TRIM62: variants seen among roughly 807,000 people sequenced by gnomAD.
TRIM62 encodes the protein tripartite motif containing 62, also known as E3 ubiquitin-protein ligase TRIM62.
In TRIM62, 39 loss-of-function variants were observed where a neutral mutation model predicts 44.2. The ratio of observed to expected loss-of-function variants is 0.88; its 90% CI spans 0.68 to 1.15. TRIM62 has a LOEUF of 1.15. Ranked by LOEUF, TRIM62 falls within the 50% of genes most tolerant of loss-of-function variation. The pLI is 0.00. For synonymous variants in TRIM62, 278 were observed against 292.3 expected (o/e 0.95, Z 0.50); for missense variants, 544 against 665.5 (o/e 0.82, Z 2.01).
chr1:33,149,841 A>C (rs1645072487), intron 4 of TRIM62, among the ~76,000 whole-genome samples: 2 of 152,098 alleles, frequency 1.3e-5, no homozygotes, highest in Non-Finnish European at 2.9e-5. Flanking sequence ...CCCCATTTGC[A>C]CCAAGAGGGC....
At chr1:33,166,573 T>G (rs2124740904) in intron 1 of TRIM62, among the ~76,000 whole-genome samples, 1 of 152,234 alleles carries the variant, frequency 6.6e-6, no homozygotes, top group Admixed American at 6.5e-5. Flanking sequence ...CTCCATCTTC[T>G]GATGGAGAAA....
At position 33,147,608 on chromosome 1, in the gene TRIM62, G is replaced by A. The variant is rs1423349464; in HGVS notation, c.997C>T (p.Arg333Cys). 33 of 1,614,020 alleles carry A rather than the reference G, an allele frequency of 2.0e-5. No homozygotes were observed. The highest frequency in any genetic ancestry group is 2.7e-5 in the African/African-American group (2 of 74,940). Residue 333 changes from arginine (R) to cysteine (C), a missense_variant, in exon 5 of 5, where the codon CGC becomes TGC. Arg to Cys is a radical substitution (Grantham distance 180). Transcript: ENST00000291416. The surrounding 1 kb of genome is among the most constrained non-coding windows in gnomAD (Gnocchi z 8.1). ...HPQPLQDSPK[R>C]FDVEVSVLGS... ...AGCACCGACACCTCCACATCGAAGC[G>A]CTTTGGCGAGTCCTGCAGTGGCTGT...
Position 33,181,541 on chromosome 1 carries a change from C to T in TRIM62, c.-109G>A. ...GCTGGGCGCGGGGACGAGGCCCGCA[C>T]AGGCAGGGGTAGGAGCTACCGGAGA... On this transcript the variant is annotated 5_prime_UTR_variant, in exon 1 of 5. The change creates a new upstream start codon in the 5' untranslated region. Coordinates refer to ENST00000291416, the MANE Select transcript of TRIM62 (RefSeq NM_018207.3). This position sits in a 1 kb window ranked among gnomAD's most constrained non-coding sequence, Gnocchi z 6.5. The T allele has an allele frequency of 1.4e-6, 2 of 1,441,670 alleles. No individual in the cohort carries two copies. The highest frequency in any genetic ancestry group is 1.5e-5 in the South Asian group (1 of 68,912). The allele number at this position is 1,441,670 out of a possible 1,614,324, so 89.3% of individuals were successfully genotyped here.
chr1:33,174,964 TATATAC>T (rs1180479141), intron 1 of TRIM62, among the ~76,000 whole-genome samples: 2,748 of 108,654 alleles, frequency 0.025, 86 homozygotes, highest in African/African-American at 0.09. Context: ...TATATATATA[TATATAC>T]ACACATATAC....
In TRIM62 at chr1:33,181,616, G is replaced by T; in HGVS notation, c.-184C>A. 1 of 1,157,476 alleles carries T rather than the reference G, an allele frequency of 8.6e-7. No individual in the cohort carries two copies. 71.7% of individuals were successfully genotyped at this position (1,157,476 alleles called of 1,614,324 possible). A position where few individuals can be genotyped will look rare whatever the true frequency, so the allele number is the denominator to read the frequency against. ...AGGGTAACGCGAGGAAGGGGTGCGCGGCTGAGACTCCGTGGGACGCCAGCC... is the reference window on the plus strand; with the variant it reads ...AGGGTAACGCGAGGAAGGGGTGCGCTGCTGAGACTCCGTGGGACGCCAGCC... On this transcript the variant is annotated 5_prime_UTR_variant, in exon 1 of 5. Transcript: ENST00000291416. This position sits in a 1 kb window ranked among gnomAD's most constrained non-coding sequence, Gnocchi z 6.5.
chr1:33,149,004 T>A (rs987168556), intron 4 of TRIM62, among the ~76,000 whole-genome samples: 1 of 152,196 alleles, frequency 6.6e-6, no homozygotes, highest in Admixed American at 6.5e-5. Flanking sequence ...CCAAAGCCTC[T>A]GCTTACACGG....
intron 3 of TRIM62, 148 bp from the exon 4 acceptor site, chr1:33,158,516 G>T: frequency 1.6e-6 from 1 of 633,034 alleles, no homozygotes; most frequent in Non-Finnish European, 2.9e-6. Flanking sequence ...GCCTGCTTGT[G>T]CTGCTTCTGG....
intron 1 of TRIM62, among the ~76,000 whole-genome samples, chr1:33,178,978 A>T (rs1236265492): frequency 6.6e-6 from 1 of 152,216 alleles, no homozygotes; most frequent in Non-Finnish European, 1.5e-5. Flanking sequence ...AGGAGGGGAG[A>T]GATCAGAGAA....
At chr1:33,170,036 C>G (rs1645360753) in intron 1 of TRIM62, among the ~76,000 whole-genome samples, 1 of 152,166 alleles carries the variant, frequency 6.6e-6, no homozygotes, top group South Asian at 2.1e-4. Context: ...TCAATCTCCC[C>G]TACTAGGCCG....
At position 33,181,173 on chromosome 1, in the gene TRIM62, C is replaced by T. The variant is rs1645460206; in HGVS notation, c.260G>A (p.Arg87His). Reference protein sequence around the residue: ...SFPLDAILNARRAARPCQAHD... With the variant: ...SFPLDAILNAHRAARPCQAHD... The stretch of plus-strand genomic sequence containing the variant: ...CGCCTGGCAGGGTCGCGCGGCGCGG[C>T]GCGCGTTGAGGATGGCGTCCAGCGG... The change falls in exon 1 of 5, where the codon CGC becomes CAC. Residue 87 changes from arginine to histidine, a missense_variant. Physicochemically the swap from Arg to His is conservative, Grantham distance 29. Transcript: ENST00000291416. This position sits in a 1 kb window ranked among gnomAD's most constrained non-coding sequence, Gnocchi z 6.5. The T allele has an allele frequency of 6.3e-7, 1 of 1,596,460 alleles. No individual in the cohort carries two copies. The highest frequency in any genetic ancestry group is 8.5e-7 in the Non-Finnish European group (1 of 1,176,764).
At chr1:33,154,762 C>T (rs890878588) in intron 4 of TRIM62, among the ~76,000 whole-genome samples, 2 of 147,424 alleles carry the variant, frequency 1.4e-5, no homozygotes, top group African/African-American at 5.1e-5. Context: ...CACGCCACTG[C>T]ACTCCAGCCT....
In TRIM62 at chr1:33,147,716, G is replaced by T; in HGVS notation, c.889C>A (p.Leu297Ile). ...FQDIHPVPAA[L>I]TLDPGTAHQR... ...TGGGCTGTGCCCGGGTCCAGGGTTA[G>T]GGCGGCTGGCACTGTGGGGGTTGGA... is the stretch of plus-strand genomic sequence containing the variant. The change falls in exon 5 of 5, where the codon CTA becomes ATA. Residue 297 changes from leucine to isoleucine, a missense_variant. Physicochemically the swap from Leu to Ile is conservative, Grantham distance 5. Transcript: ENST00000291416. The surrounding 1 kb of genome is among the most constrained non-coding windows in gnomAD (Gnocchi z 8.1). 6.2e-7 allele frequency: 1 copy of T among 1,610,912 alleles called. No homozygotes were observed. The highest frequency in any genetic ancestry group is 1.1e-5 in the South Asian group (1 of 90,994).
intron 1 of TRIM62, among the ~76,000 whole-genome samples, chr1:33,170,601 G>A (rs1017051419): frequency 1.2e-4 from 19 of 152,186 alleles, no homozygotes; most frequent in African/African-American, 4.6e-4. Context: ...AAGGCCCCCA[G>A]CAGGCAGAGT....
intron 4 of TRIM62, among the ~76,000 whole-genome samples, 172 bp downstream of exon 4, chr1:33,158,081 C>G (rs1645205716): frequency 6.6e-6 from 1 of 152,192 alleles, no homozygotes; most frequent in African/African-American, 2.4e-5. Flanking sequence ...TGAAGGTCCA[C>G]TGAGCTGAGT....
chr1:33,176,452 T>G (rs1176087246), intron 1 of TRIM62: 4 of 696,458 alleles, frequency 5.7e-6, no homozygotes, highest in Non-Finnish European at 1.1e-5. Flanking sequence ...TTCTCTGGCA[T>G]GAAGGAAGCC....
intron 1 of TRIM62, chr1:33,176,491 G>T: frequency 1.5e-6 from 1 of 681,686 alleles, no homozygotes; most frequent in Non-Finnish European, 2.7e-6. Context: ...GTCACATGAG[G>T]CCTGGAGGGG....
chr1:33,170,510 C>T (rs937771829), intron 1 of TRIM62, among the ~76,000 whole-genome samples: 32 of 152,144 alleles, frequency 2.1e-4, no homozygotes, highest in African/African-American at 6.7e-4. Flanking sequence ...CCCCTGGCCT[C>T]GCTGAGTCTT....
rs538776442 is a variant in TRIM62 at position 33,161,349 on chromosome 1, C to T, written c.505-1405G>A. Reference sequence around the variant, plus strand: ...CAGGACGACACGGGCTATAGAAGTGCGGCCAGGCTGCAGCAGCATGTGGGG... The same window carrying T: ...CAGGACGACACGGGCTATAGAAGTGTGGCCAGGCTGCAGCAGCATGTGGGG... On this transcript the variant is annotated intron_variant, in intron 2 of 4. Transcript: ENST00000291416. This position sits in a 1 kb window ranked among gnomAD's most constrained non-coding sequence, Gnocchi z 4.3. 6.2e-4 allele frequency among the ~76,000 whole-genome samples: 94 copies of T among 152,214 alleles called. No homozygotes were observed. Among genetic ancestry groups the T allele is most frequent in the Non-Finnish European group, 1.0e-3 (69 of 68,006 alleles).
intron 4 of TRIM62, among the ~76,000 whole-genome samples, chr1:33,156,590 G>T (rs896133999): frequency 2.6e-4 from 40 of 152,084 alleles, no homozygotes; most frequent in African/African-American, 9.7e-4. Context: ...GGAGTGTTCC[G>T]GGGCTCCTGA....
Sources: allele counts gnomAD v4.1 joint callset (sites outside exome capture counted in the v4.1 genomes callset), GRCh38; gene constraint gnomAD v4.1.1; non-coding constraint Gnocchi (gnomAD v3.1); transcripts MANE v1.5; gene names NCBI Gene and HGNC (gene_info 2026-07-23, HGNC 2026-07-21).